The following KCNIP4 variants were observed in gnomAD, a reference collection of about 807,000 sequenced individuals.
The protein encoded by KCNIP4 is potassium voltage-gated channel interacting protein 4, also known as Kv channel-interacting protein 4.
KCNIP4 carries 12 observed loss-of-function variants against 34.0 expected under a neutral mutation model. That is an observed-to-expected ratio of 0.35 (90% CI 0.23 to 0.57). The LOEUF (loss-of-function observed/expected upper bound fraction) is 0.57, where lower values mean the gene tolerates loss of function less well. Among genes scored for constraint, KCNIP4 ranks in the 20% least tolerant of loss-of-function variants. The pLI is 0.83. For synonymous variants in KCNIP4, 124 were observed against 102.2 expected, an observed-to-expected ratio of 1.21 and a Z score of -1.29; for missense variants, 238 against 311.7, an observed-to-expected ratio of 0.76 and a Z score of 1.78.
At chr4:20,940,522 A>C (rs1165071512) in intron 1 of KCNIP4, among the ~76,000 whole-genome samples, 2 of 152,208 alleles carry the variant, frequency 1.3e-5, no homozygotes, top group Non-Finnish European at 2.9e-5. Flanking sequence ...TCAGAGATTG[A>C]TGAAATTCAT....
chr4:21,138,505 G>A (rs187682270), intron 1 of KCNIP4, among the ~76,000 whole-genome samples: 2 of 149,338 alleles, frequency 1.3e-5, no homozygotes, highest in Non-Finnish European at 3.0e-5. Context: ...TTGCACAAAG[G>A]TAAGGCACTT....
intron 1 of KCNIP4, among the ~76,000 whole-genome samples, chr4:21,492,410 C>T (rs1732489810): frequency 2.0e-5 from 3 of 151,920 alleles, no homozygotes; most frequent in Non-Finnish European, 4.4e-5. Context: ...TTTTTGGAGA[C>T]ATAGGGCCTC....
At chr4:20,825,775 T>C (rs1275545708) in intron 3 of KCNIP4, among the ~76,000 whole-genome samples, 1 of 152,072 alleles carries the variant, frequency 6.6e-6, no homozygotes, top group African/African-American at 2.4e-5. Flanking sequence ...CAGAGAATAA[T>C]TGGTCAAGAA....
chr4:20,881,266 G>A (rs1577307159), intron 2 of KCNIP4, among the ~76,000 whole-genome samples: 1 of 152,032 alleles, frequency 6.6e-6, no homozygotes, highest in East Asian at 1.9e-4. Context: ...TGTTGTTTGT[G>A]GTTCTTTCCA....
At chr4:21,771,298 A>G (rs187897383) in intron 1 of KCNIP4, among the ~76,000 whole-genome samples, 1,524 of 152,164 alleles carry the variant, frequency 0.01, 13 homozygotes, top group Non-Finnish European at 0.014. Flanking sequence ...TCATTGTTCT[A>G]CATGTCTGTT....
intron 1 of KCNIP4, among the ~76,000 whole-genome samples, chr4:21,651,452 C>T (rs1289032846): frequency 6.6e-6 from 1 of 152,174 alleles, no homozygotes; most frequent in Non-Finnish European, 1.5e-5. Context: ...AATACTCCAT[C>T]TCACAACTGT....
At chr4:21,469,152 C>A (rs1396980246) in intron 1 of KCNIP4, among the ~76,000 whole-genome samples, 2 of 152,028 alleles carry the variant, frequency 1.3e-5, no homozygotes, top group Non-Finnish European at 2.9e-5. Flanking sequence ...ATAGCCTTAA[C>A]CTCCTAGGCT....
At chr4:21,532,987 TGTGA>T (rs1471337265) in intron 1 of KCNIP4, among the ~76,000 whole-genome samples, 1 of 138,190 alleles carries the variant, frequency 7.2e-6, no homozygotes, top group Non-Finnish European at 1.5e-5. Flanking sequence ...CATACATATG[TGTGA>T]GTGTGTATAT....
chr4:21,698,520 A>G (rs1712580383), intron 1 of KCNIP4, among the ~76,000 whole-genome samples: 1 of 152,194 alleles, frequency 6.6e-6, no homozygotes, highest in African/African-American at 2.4e-5. Flanking sequence ...AGACATTGGG[A>G]TAGAGGCAGT....
chr4:21,825,821 G>T (rs149645326), intron 1 of KCNIP4, among the ~76,000 whole-genome samples: 3 of 152,040 alleles, frequency 2.0e-5, no homozygotes. Context: ...AAAACAAGAC[G>T]GTTTCAGGTG....
In KCNIP4 at chr4:21,911,655, C is replaced by CAGAG. The variant is rs1366997015; in HGVS notation, c.61+36912_61+36915dup. On this transcript the variant is annotated intron_variant, in intron 1 of 8. Coordinates refer to ENST00000382152, the MANE Select transcript of KCNIP4 (RefSeq NM_025221.6). ...ACACACACACACACACACACACACA[C>CAGAG]AGAGTCTGGTATTGGTGATGTACCT... Among the ~76,000 whole-genome samples, 358 of 137,230 alleles carry CAGAG rather than the reference C, an allele frequency of 2.6e-3. 3 individuals carry two copies. Among genetic ancestry groups the CAGAG allele is most frequent in the African/African-American group, 3.2e-3 (116 of 35,986 alleles). 90.0% of individuals were successfully genotyped at this position (137,230 alleles called of 152,430 possible).
intron 1 of KCNIP4, among the ~76,000 whole-genome samples, chr4:21,131,565 G>A (rs1379362294): frequency 6.6e-6 from 1 of 152,096 alleles, no homozygotes; most frequent in Non-Finnish European, 1.5e-5. Context: ...AGCCGAGATT[G>A]CACCACTGCA....
intron 6 of KCNIP4, among the ~76,000 whole-genome samples, chr4:20,733,172 G>A (rs775878263): frequency 7.9e-5 from 12 of 151,916 alleles, no homozygotes; most frequent in Admixed American, 2.0e-4. Flanking sequence ...TCAAATATAC[G>A]GCACATCGTA....
At chr4:21,727,941 A>T (rs1001002447) in intron 1 of KCNIP4, among the ~76,000 whole-genome samples, 2 of 152,174 alleles carry the variant, frequency 1.3e-5, no homozygotes, top group African/African-American at 4.8e-5. Context: ...TGCAACTAAT[A>T]AACAGGCCAG....
At chr4:20,867,762 C>G (rs1723019239) in intron 2 of KCNIP4, among the ~76,000 whole-genome samples, 1 of 152,004 alleles carries the variant, frequency 6.6e-6, no homozygotes, top group South Asian at 2.1e-4. Context: ...CCATCATTCT[C>G]AGCAAACTAT....
chr4:20,896,522 C>T (rs1726549290), intron 1 of KCNIP4, among the ~76,000 whole-genome samples: 1 of 152,016 alleles, frequency 6.6e-6, no homozygotes, highest in African/African-American at 2.4e-5. Flanking sequence ...GGAAGCAGGC[C>T]ATGTGAGGAC....
At chr4:21,181,159 G>C (rs1379422167) in intron 1 of KCNIP4, among the ~76,000 whole-genome samples, 1 of 152,120 alleles carries the variant, frequency 6.6e-6, no homozygotes, top group Non-Finnish European at 1.5e-5. Flanking sequence ...ATCCTCCTGA[G>C]GGAAATAGCA....
Position 21,099,428 on chromosome 4 carries a change from C to T in KCNIP4, c.62-216719G>A, listed in dbSNP as rs182560581. The stretch of plus-strand genomic sequence containing the variant: ...GCTGAATGATGAGAACACATGGACA[C>T]ATCGGGGGGAACAACACACACTGGG... On this transcript the variant is annotated intron_variant, in intron 1 of 8. Transcript: ENST00000382152. Among the ~76,000 whole-genome samples the T allele has an allele frequency of 2.8e-3, 422 of 152,170 alleles. 2 individuals are homozygous for T. Among genetic ancestry groups the T allele is most frequent in the Middle Eastern group, 0.01 (3 of 294 alleles).
chr4:21,933,526 C>A (rs1258484698), intron 1 of KCNIP4, among the ~76,000 whole-genome samples: 2 of 152,044 alleles, frequency 1.3e-5, no homozygotes, highest in Non-Finnish European at 2.9e-5. Flanking sequence ...GTTCCTATAG[C>A]CTCCTGTGCT....
Sources: gnomAD v4.1 joint callset for allele counts (sites outside exome capture counted in the v4.1 genomes callset) on GRCh38, gnomAD v4.1.1 for gene constraint, MANE v1.5 for transcripts, NCBI Gene and HGNC (gene_info 2026-07-23, HGNC 2026-07-21) for gene names.